Variants in PAX4 observed in about 807,000 individuals in gnomAD.
PAX4 encodes the protein paired box protein Pax-4.
A neutral mutation model predicts 40.6 loss-of-function variants in PAX4; 33 were observed. That is an observed-to-expected ratio of 0.81 (90% CI 0.62 to 1.09). The LOEUF (loss-of-function observed/expected upper bound fraction) is 1.09, where lower values mean the gene tolerates loss of function less well. PAX4 is among the 50% of genes least tolerant of loss of function. PAX4 has a pLI of 0.00. For synonymous variants in PAX4, 174 were observed against 170.6 expected (o/e 1.02, Z -0.16); for missense variants, 459 against 442.5 (o/e 1.04, Z -0.33).
At chr7:127,616,622 C>T (rs967380369) in intron 2 of PAX4, among the ~76,000 whole-genome samples, 9 of 152,212 alleles carry the variant, frequency 5.9e-5, no homozygotes, top group Admixed American at 1.3e-4. Flanking sequence ...GAGATGAACA[C>T]GCCTGAAGAG....
chr7:127,611,784 C>T, intron 10 of PAX4, 108 bp from the exon 11 acceptor site: 3 of 1,600,530 alleles, frequency 1.9e-6, no homozygotes, highest in Non-Finnish European at 2.5e-6. Context: ...TGCACAACTC[C>T]AGAGGGCACC....
chr7:127,611,676 G>GC lies in PAX4; in HGVS notation c.772-1dup (p.Gln258AlafsTer36). The GC allele has an allele frequency of 6.2e-7, 1 of 1,608,184 alleles. No individual in the cohort carries two copies. Among genetic ancestry groups the GC allele is most frequent in the African/African-American group, 1.3e-5 (1 of 74,304 alleles). On this transcript the variant is annotated frameshift_variant and splice_region_variant. Coordinates refer to ENST00000639438, the MANE Select transcript of PAX4 (RefSeq NM_001366110.1). LOFTEE classifies it high-confidence loss of function. The stretch of plus-strand genomic sequence containing the variant: ...GCTGTGGGCACACTGCCAGGGGACT[G>GC]CTAAAAAAAAAAAGCAAGAGAAGAA...
In PAX4 at chr7:127,613,440, G is replaced by GCTCA. The variant is rs1794668912; in HGVS notation, c.645+6_645+9dup. On this transcript the variant is annotated intron_variant, in intron 8 of 11. Transcript: ENST00000639438. ...CTTGTGGTTTGTACAGTGTTGCAGA[G>GCTCA]CTCACTCACCCTCACCGTGTCCTCA... 4 of 1,613,236 alleles carry GCTCA rather than the reference G, an allele frequency of 2.5e-6. No individual in the cohort carries two copies. The highest frequency in any genetic ancestry group is 3.3e-5 in the Admixed American group (2 of 60,002).
At chr7:127,612,558 G>T (rs968280367) in intron 9 of PAX4, among the ~76,000 whole-genome samples, 1 of 151,632 alleles carries the variant, frequency 6.6e-6, no homozygotes. Context: ...TGGGTGACTG[G>T]CTGGCTGGAT....
Position 127,614,463 on chromosome 7 carries a change from G to A in PAX4, c.436+19C>T, listed in dbSNP as rs772356889. ...GAGATTTGGCTGTGATTAGCCCTGG[G>A]GACAACTCCAAGACCCACCTGGTGA... is the stretch of plus-strand genomic sequence containing the variant. On this transcript the variant is annotated intron_variant, in intron 6 of 11. Coordinates refer to ENST00000639438, the MANE Select transcript of PAX4 (RefSeq NM_001366110.1). The A allele has an allele frequency of 1.9e-6, 3 of 1,574,498 alleles. No individual in the cohort carries two copies. The highest frequency in any genetic ancestry group is 1.2e-5 in the South Asian group (1 of 86,270).
chr7:127,610,726 C>A lies in PAX4; in HGVS notation c.*338G>T. ...ACATAGATGTAAATAAATGATAGGG[C>A]AAATTGTCTATAATTGTTGAATATT... On this transcript the variant is annotated 3_prime_UTR_variant, in exon 12 of 12. Coordinates refer to ENST00000639438, the MANE Select transcript of PAX4 (RefSeq NM_001366110.1). 1.5e-6 allele frequency: 1 copy of A among 685,900 alleles called. No homozygotes were observed. The highest frequency in any genetic ancestry group is 2.5e-6 in the Non-Finnish European group (1 of 403,466). 42.5% of individuals were successfully genotyped at this position (685,900 alleles called of 1,614,324 possible).
In PAX4 at chr7:127,611,087, G is replaced by T; in HGVS notation, c.1033C>A (p.Pro345Thr). The T allele has an allele frequency of 6.2e-7, 1 of 1,607,196 alleles. No individual in the cohort carries two copies. Among genetic ancestry groups the T allele is most frequent in the Non-Finnish European group, 8.5e-7 (1 of 1,176,212 alleles). The part of the protein sequence containing the change: ...GSQALLWPGC[P>T]LLYGLE ...CCTCATTCCAAGCCATACAGTAGTG[G>T]GCAGCCAGGCCAGAGCAGGGCCTGA... Residue 345 changes from proline to threonine, a missense_variant, in exon 12 of 12, where the codon CCA becomes ACA. Pro to Thr is a conservative substitution (Grantham distance 38). Transcript: ENST00000639438.
At position 127,613,795 on chromosome 7, in the gene PAX4, T is replaced by C. The variant is rs1182106120; in HGVS notation, c.523A>G (p.Thr175Ala). 1.2e-6 allele frequency: 2 copies of C among 1,613,886 alleles called. No individual in the cohort carries two copies. The highest frequency in any genetic ancestry group is 1.7e-6 in the Non-Finnish European group (2 of 1,179,968). The change falls in exon 7 of 12, where the codon ACT (threonine) becomes GCT (alanine). Residue 175 changes from threonine to alanine, a missense_variant. Transcript: ENST00000639438. ...TCTGCTTGGCTTGGGGAGAAGATAG[T>C]CCGATTCCGGTGGCCGGTCCCTGGG... is the stretch of plus-strand genomic sequence containing the variant. ...THPGTGHRNR[T>A]IFSPSQAEAL...
intron 5 of PAX4, 77 bp from the exon 6 acceptor site, chr7:127,614,634 T>C: frequency 7.7e-7 from 1 of 1,302,126 alleles, no homozygotes; most frequent in South Asian, 1.3e-5. Flanking sequence ...GCCCTTAATA[T>C]CCTTTTTCCC....
chr7:127,615,038 C>T lies in PAX4; in HGVS notation c.202G>A (p.Glu68Lys). 5 of 1,614,230 alleles carry T rather than the reference C, an allele frequency of 3.1e-6. No individual in the cohort carries two copies. The highest frequency in any genetic ancestry group is 4.2e-6 in the Non-Finnish European group (5 of 1,180,048). Reference protein sequence around the residue: ...LGRYYRTGVLEPKGIGGSKPR... With the variant: ...LGRYYRTGVLKPKGIGGSKPR... ...TTGCTTCCCCCAATGCCCTTTGGCT[C>T]CAAGACACCTGTGCGGTAGTAACGC... The change falls in exon 5 of 12, where the codon GAG (glutamate) becomes AAG (lysine). Residue 68 changes from glutamate (E) to lysine (K), a missense_variant. Glu to Lys is a moderately conservative substitution (Grantham distance 56, BLOSUM62 1). Coordinates refer to ENST00000639438, the MANE Select transcript of PAX4 (RefSeq NM_001366110.1).
rs191836422 is a variant in PAX4 at position 127,613,967 on chromosome 7, C to T, written c.437-86G>A. On this transcript the variant is annotated intron_variant, in intron 6 of 11. Transcript: ENST00000639438. The stretch of plus-strand genomic sequence containing the variant: ...GTCCCTGAGTCTCTGGGGCTGCAGC[C>T]GGGAGACACCATGGGTAGAAGAGCA... 1.3e-4 allele frequency: 192 copies of T among 1,507,796 alleles called. No homozygotes were observed. In the Admixed American group the frequency reaches 1.5e-3, roughly 12 times the overall value. 93.4% of individuals were successfully genotyped at this position (1,507,796 alleles called of 1,614,324 possible). A position where few individuals can be genotyped will look rare whatever the true frequency, so the allele number is the denominator to read the frequency against.
intron 3 of PAX4, 40 bp from the exon 4 acceptor site, chr7:127,615,571 A>ACTGCC: frequency 6.2e-7 from 1 of 1,611,948 alleles, no homozygotes; most frequent in Non-Finnish European, 8.5e-7. Context: ...CACCTCTCCC[A>ACTGCC]CTGCCCTGCC....
In PAX4 at chr7:127,613,487, A is replaced by G; in HGVS notation, c.608T>C (p.Leu203Pro). The G allele has an allele frequency of 6.2e-7, 1 of 1,614,198 alleles. No individual in the cohort carries two copies. The highest frequency in any genetic ancestry group is 8.5e-7 in the Non-Finnish European group (1 of 1,180,036). Residue 203 changes from leucine to proline, a missense_variant, in exon 8 of 12, where the codon CTG becomes CCG. Physicochemically the swap from Leu to Pro is moderately conservative, Grantham distance 98. Coordinates refer to ENST00000639438, the MANE Select transcript of PAX4 (RefSeq NM_001366110.1). ...QYPDSVARGK[L>P]ATATSLPEDT... Reference sequence around the variant, plus strand: ...CTCAGGCAGAGAGGTGGCAGTAGCCAGCTTTCCACGGGCCACTGAATCAGG... The same window carrying G: ...CTCAGGCAGAGAGGTGGCAGTAGCCGGCTTTCCACGGGCCACTGAATCAGG...
rs563562817 is a variant in PAX4 at position 127,612,891 on chromosome 7, T to C, written c.715+131A>G. ...ATGGATAGATGAATGGATGAATGGA[T>C]GGATGGATACATGGGTGGATGGATA... On this transcript the variant is annotated intron_variant, in intron 9 of 11. Transcript: ENST00000639438. 58 of 720,516 alleles carry C rather than the reference T, an allele frequency of 8.0e-5. No individual in the cohort carries two copies. In the East Asian group the frequency reaches 1.2e-3, roughly 15 times the overall value. 44.6% of individuals were successfully genotyped at this position (720,516 alleles called of 1,614,324 possible).
intron 6 of PAX4, 22 bp from the exon 7 acceptor site, chr7:127,613,903 T>G: frequency 6.2e-7 from 1 of 1,613,282 alleles, no homozygotes; most frequent in Non-Finnish European, 8.5e-7. Flanking sequence ...GATAACAGTT[T>G]GTGGTGGTTT....
chr7:127,612,687 A>T (rs1169842387), intron 9 of PAX4, among the ~76,000 whole-genome samples: 1 of 149,830 alleles, frequency 6.7e-6, no homozygotes, highest in Non-Finnish European at 1.5e-5. Context: ...TGATGCCTGG[A>T]TGAATGGATG....
In PAX4 at chr7:127,615,032, T is replaced by C; in HGVS notation, c.208A>G (p.Lys70Glu). ...RYYRTGVLEP[K>E]GIGGSKPRLA... is the part of the protein sequence containing the mutation. ...CGTGGCTTGCTTCCCCCAATGCCCT[T>C]TGGCTCCAAGACACCTGTGCGGTAG... The change falls in exon 5 of 12, where the codon AAG becomes GAG. Residue 70 changes from lysine to glutamate, a missense_variant. Physicochemically the swap from Lys to Glu is moderately conservative, Grantham distance 56. Coordinates refer to ENST00000639438, the MANE Select transcript of PAX4 (RefSeq NM_001366110.1). 1 of 1,614,178 alleles carries C rather than the reference T, an allele frequency of 6.2e-7. No individual in the cohort carries two copies. The highest frequency in any genetic ancestry group is 8.5e-7 in the Non-Finnish European group (1 of 1,180,044).
At chr7:127,616,255 A>C (rs1794722062) in intron 2 of PAX4, among the ~76,000 whole-genome samples, 2 of 152,150 alleles carry the variant, frequency 1.3e-5, no homozygotes, top group South Asian at 4.1e-4. Context: ...GGGAGGATTG[A>C]GAGGGTTCTC....
chr7:127,612,522 G>A (rs1794647553), intron 9 of PAX4, among the ~76,000 whole-genome samples: 1 of 151,168 alleles, frequency 6.6e-6, no homozygotes, highest in South Asian at 2.1e-4. Flanking sequence ...TAAATGGATA[G>A]GTAGATAGGT....
Sources: allele counts gnomAD v4.1 joint callset (sites outside exome capture counted in the v4.1 genomes callset), GRCh38; gene constraint gnomAD v4.1.1; transcripts MANE v1.5; gene names NCBI Gene and HGNC (gene_info 2026-07-23, HGNC 2026-07-21).